Variants in SRI observed in about 807,000 individuals in gnomAD.
SRI encodes the protein 22 kDa protein.
A neutral mutation model predicts 33.3 loss-of-function variants in SRI; 30 were observed. The ratio of observed to expected loss-of-function variants is 0.90; its 90% CI spans 0.67 to 1.22. SRI has a LOEUF of 1.22. Ranked by LOEUF, SRI falls within the 50% of genes most tolerant of loss-of-function variation. The pLI is 0.00. For synonymous variants in SRI, 75 were observed against 89.9 expected, an observed-to-expected ratio of 0.83 and a Z score of 0.94; for missense variants, 243 against 250.8, an observed-to-expected ratio of 0.97 and a Z score of 0.21.
intron 3 of SRI, among the ~76,000 whole-genome samples, chr7:88,215,918 A>C (rs1851699034): frequency 6.6e-6 from 1 of 152,240 alleles, no homozygotes; most frequent in Non-Finnish European, 1.5e-5. Flanking sequence ...TATCATGTTC[A>C]AGATCTAATT....
At chr7:88,209,533 T>C in intron 5 of SRI, 81 bp from the exon 6 acceptor site, 1 of 1,112,580 alleles carries the variant, frequency 9.0e-7, no homozygotes, top group South Asian at 1.3e-5. Context: ...CACTATTTTA[T>C]TTTTTAAGAC....
chr7:88,222,033 G>T, upstream of SRI, among the ~76,000 whole-genome samples: 1 of 138,606 alleles, frequency 7.2e-6, no homozygotes, highest in South Asian at 2.6e-4. Context: ...ATTTTTTATG[G>T]CTGCATAGTA....
chr7:88,221,973 A>G (rs1851898455), upstream of SRI, among the ~76,000 whole-genome samples: 1 of 148,514 alleles, frequency 6.7e-6, no homozygotes, highest in African/African-American at 2.5e-5. Flanking sequence ...TTTACTGAGA[A>G]TGATGATTTC....
At position 88,208,545 on chromosome 7, in the gene SRI, T is replaced by C. The variant is rs952742789; in HGVS notation, c.532A>G (p.Thr178Ala). 3.1e-6 allele frequency: 5 copies of C among 1,613,936 alleles called. No individual in the cohort carries two copies. Among genetic ancestry groups the C allele is most frequent in the Non-Finnish European group, 4.2e-6 (5 of 1,179,882 alleles). Residue 178 changes from threonine (T) to alanine (A), a missense_variant, in exon 7 of 8, where the codon ACT becomes GCT. By Grantham distance (58) the Thr-to-Ala change is moderately conservative (BLOSUM62 0). Transcript: ENST00000265729. ...ALTDSFRRRD[T>A]AQQGVVNFPY... ...AAATTCACAACACCTTGCTGAGCAG[T>C]ATCCCGTCTTCGAAAGCTGTCTGTA...
chr7:88,212,823 G>A (rs1224092098), intron 3 of SRI, among the ~76,000 whole-genome samples: 1 of 152,226 alleles, frequency 6.6e-6, no homozygotes, highest in African/African-American at 2.4e-5. Context: ...CTCTGAATGA[G>A]AAACTCTAGG....
chr7:88,219,857 C>T (rs987593749), intron 1 of SRI, 119 bp downstream of exon 1: 2 of 1,271,754 alleles, frequency 1.6e-6, no homozygotes, highest in South Asian at 1.4e-5. Context: ...AAGCCGAGGG[C>T]GGAAGGAGCC....
At chr7:88,218,832 T>TTCC in intron 2 of SRI, 27 bp downstream of exon 2, 2 of 1,602,774 alleles carry the variant, frequency 1.2e-6, no homozygotes, top group Non-Finnish European at 1.7e-6. Context: ...CAATAACGGC[T>TTCC]CTTTAATATT....
At chr7:88,216,205 C>A (rs985096521) in intron 3 of SRI, among the ~76,000 whole-genome samples, 1 of 151,918 alleles carries the variant, frequency 6.6e-6, no homozygotes, top group African/African-American at 2.4e-5. Context: ...CTTGAACTCC[C>A]GGGCTCAAGC....
chr7:88,209,739 C>T (rs902765480), intron 5 of SRI, among the ~76,000 whole-genome samples: 1 of 151,940 alleles, frequency 6.6e-6, no homozygotes, highest in Admixed American at 6.6e-5. Context: ...CTTAGCCTCC[C>T]GAGTAGCTGG....
chr7:88,224,387 G>A (rs962597192), upstream of SRI, among the ~76,000 whole-genome samples: 3 of 152,202 alleles, frequency 2.0e-5, no homozygotes, highest in African/African-American at 7.2e-5. Flanking sequence ...CACCATACCT[G>A]CAGTTGAATT....
chr7:88,206,380 C>A lies in SRI; in HGVS notation c.*98G>T. 1 of 1,355,622 alleles carries A rather than the reference C, an allele frequency of 7.4e-7. No individual in the cohort carries two copies. 84.0% of individuals were successfully genotyped at this position (1,355,622 alleles called of 1,614,324 possible). ...TTTACAACAGCTGTTAAGAGAAAGT[C>A]GTGATGTAAGTTTATACATATTACC... On this transcript the variant is annotated 3_prime_UTR_variant, in exon 8 of 8. Coordinates refer to ENST00000265729, the MANE Select transcript of SRI (RefSeq NM_003130.4).
upstream of SRI, among the ~76,000 whole-genome samples, chr7:88,223,687 A>G (rs1851938102): frequency 6.6e-6 from 1 of 152,196 alleles, no homozygotes; most frequent in Non-Finnish European, 1.5e-5. Context: ...TATTTTTCCA[A>G]CCATTTAAAA....
At chr7:88,210,159 A>G (rs1030818711) in intron 4 of SRI, 29 bp from the exon 5 acceptor site, 1 of 1,613,102 alleles carries the variant, frequency 6.2e-7, no homozygotes, top group Non-Finnish European at 8.5e-7. Context: ...TTAGAGCTGT[A>G]TTTTGCGATA....
chr7:88,217,458 A>G (rs145584133), intron 2 of SRI, among the ~76,000 whole-genome samples: 98 of 152,310 alleles, frequency 6.4e-4, no homozygotes, highest in Admixed American at 3.7e-3. Flanking sequence ...TGCTACAGCT[A>G]AACATTTTAA....
In SRI at chr7:88,214,786, G is replaced by A. The variant is rs912155192; in HGVS notation, c.205+2336C>T. The A allele has an allele frequency of 2.0e-5, 20 of 979,848 alleles. No individual in the cohort carries two copies. The South Asian group carries it at 5.2e-4, about 25-fold the overall frequency. The allele number at this position is 979,848 out of a possible 1,614,324, so 60.7% of individuals were successfully genotyped here. On this transcript the variant is annotated intron_variant, in intron 3 of 7. Transcript: ENST00000265729. ...TAATAATTTCCAAAGAATCTCTGCT[G>A]TAATTTACCTTTACTCTTTTTCTTC...
rs1388775475 is a variant in SRI, at chr7:88,217,292, C to CT, written c.136-102dup. On this transcript the variant is annotated intron_variant, in intron 2 of 7. Coordinates refer to ENST00000265729, the MANE Select transcript of SRI (RefSeq NM_003130.4). ...CAATAACAACAAAGAAAATCAGTATCTTTTTTTTATTTAAAAGGAATGCCT... is the reference window on the plus strand; with the variant it reads ...CAATAACAACAAAGAAAATCAGTATCTTTTTTTTTATTTAAAAGGAATGCCT... 107 of 999,896 alleles carry CT rather than the reference C, an allele frequency of 1.1e-4. 1 individual carries two copies. Among genetic ancestry groups the CT allele is most frequent in the South Asian group, 2.7e-4 (19 of 71,188 alleles). 61.9% of individuals were successfully genotyped at this position (999,896 alleles called of 1,614,324 possible).
chr7:88,221,992 T>G (rs1006333802), upstream of SRI, among the ~76,000 whole-genome samples: 1 of 147,466 alleles, frequency 6.8e-6, no homozygotes, highest in African/African-American at 2.5e-5. Context: ...TCCAATTTCA[T>G]CCATGTCCCT....
rs1378799268 is a variant in SRI at position 88,206,165 on chromosome 7, A to G, written c.*313T>C. ...TAACAGTTTTTAGTGTCTCACAATG[A>G]AAAATAAATAATGTGACTTAAACAT... On this transcript the variant is annotated 3_prime_UTR_variant, in exon 8 of 8. Transcript: ENST00000265729. 2.6e-6 allele frequency: 1 copy of G among 385,566 alleles called. No individual in the cohort carries two copies. The highest frequency in any genetic ancestry group is 3.8e-5 in the Admixed American group (1 of 25,984). 23.9% of individuals were successfully genotyped at this position (385,566 alleles called of 1,614,324 possible). A position where few individuals can be genotyped will look rare whatever the true frequency, so the allele number is the denominator to read the frequency against.
At chr7:88,223,767 T>C (rs1851939952), upstream of SRI, among the ~76,000 whole-genome samples, 2 of 152,224 alleles carry the variant, frequency 1.3e-5, no homozygotes, top group South Asian at 4.1e-4. Flanking sequence ...CTTTGGGCAG[T>C]AGTTTACCAA....
Sources: gnomAD v4.1 joint callset for allele counts (sites outside exome capture counted in the v4.1 genomes callset) on GRCh38, gnomAD v4.1.1 for gene constraint, MANE v1.5 for transcripts, NCBI Gene and HGNC (gene_info 2026-07-23, HGNC 2026-07-21) for gene names.